ARHGAP4: variants seen among roughly 807,000 people sequenced by gnomAD.
The protein encoded by ARHGAP4 is rho GTPase-activating protein 4.
A neutral mutation model predicts 67.6 loss-of-function variants in ARHGAP4; 25 were observed. The ratio of observed to expected loss-of-function variants is 0.37; its 90% CI spans 0.27 to 0.52. The LOEUF is 0.52. Among genes scored for constraint, ARHGAP4 ranks in the 20% least tolerant of loss-of-function variants. ARHGAP4 has a pLI of 0.92. For missense variants in ARHGAP4, 804 were observed against 854.6 expected (o/e 0.94, Z 0.74); for synonymous variants, 448 against 373.7 (o/e 1.20, Z -2.29).
At chrX:153,911,961 G>A (rs1557103365) in intron 12 of ARHGAP4, among the ~76,000 whole-genome samples, 1 of 109,245 alleles carries the variant, frequency 9.2e-6, no homozygotes, top group African/African-American at 3.3e-5. Flanking sequence ...CTCGTTTAAA[G>A]AATCTGTTGA....
chrX:153,926,168 C>G lies in ARHGAP4; in HGVS notation c.35G>C (p.Gly12Ala). 3 of 1,203,961 alleles carry G rather than the reference C, an allele frequency of 2.5e-6. No individual in the cohort carries two copies. The highest frequency in any genetic ancestry group is 3.5e-5 in the South Asian group (2 of 56,481). ...TTGCGTCTCATACTCAGCCTGCAGCCCCCGCTCCCGCCGCAGCTTCCCGTG... is the reference window on the plus strand; with the variant it reads ...TTGCGTCTCATACTCAGCCTGCAGCGCCCGCTCCCGCCGCAGCTTCCCGTG... ...AAHGKLRRERGLQAEYETQVK... is the reference protein window; with the variant it reads ...AAHGKLRRERALQAEYETQVK... Residue 12 changes from glycine to alanine, a missense_variant, in exon 1 of 22, where the codon GGG (glycine) becomes GCG (alanine). By Grantham distance (60) the Gly-to-Ala change is moderately conservative. This residue lies in a region of ARHGAP4 where 404 missense variants were observed against 505.9 expected (regional missense o/e 0.80). Coordinates refer to ENST00000350060, the MANE Select transcript of ARHGAP4 (RefSeq NM_001666.5).
chrX:153,920,550 T>A (rs1416705207), intron 5 of ARHGAP4, 76 bp downstream of exon 5: 66 of 1,062,596 alleles, frequency 6.2e-5, no homozygotes, highest in Non-Finnish European at 7.9e-5. Context: ...CAGCCCTGAC[T>A]TCCCCCTCAG....
chrX:153,916,098 G>A (rs1270698567), intron 7 of ARHGAP4, among the ~76,000 whole-genome samples: 2 of 112,417 alleles, frequency 1.8e-5, no homozygotes, highest in Admixed American at 1.9e-4. Context: ...AGACCACTCT[G>A]CGATCACGCA....
chrX:153,909,193 G>C (rs782252861), intron 20 of ARHGAP4, 24 bp from the exon 21 acceptor site: 35 of 1,169,023 alleles, frequency 3.0e-5, no homozygotes, highest in Middle Eastern at 2.4e-4. Context: ...AGGGAGCCTG[G>C]TGGGGGCCCT....
chrX:153,918,654 C>T (rs781883791), intron 7 of ARHGAP4, among the ~76,000 whole-genome samples, 178 bp downstream of exon 7: 2 of 112,565 alleles, frequency 1.8e-5, no homozygotes, highest in East Asian at 2.8e-4. Flanking sequence ...TTGGCCATTG[C>T]GGGGGTGCAC....
chrX:153,919,994 C>T (rs1454040167), intron 5 of ARHGAP4, among the ~76,000 whole-genome samples: 1 of 111,035 alleles, frequency 9.0e-6, no homozygotes, highest in Non-Finnish European at 1.9e-5. Flanking sequence ...ACCATGTTGG[C>T]CACACTGATC....
chrX:153,921,800 C>A lies in ARHGAP4; in HGVS notation c.77G>T (p.Trp26Leu), dbSNP rs1557105435. Residue 26 changes from tryptophan (W) to leucine (L), a missense_variant, in exon 2 of 22, where the codon TGG becomes TTG. Trp to Leu is a moderately conservative substitution (Grantham distance 61, BLOSUM62 -2). Transcript: ENST00000350060. ...EYETQVKEMR[W>L]QLSEQLRCLE... ...GCAGCGCAGCTGCTCGCTCAGCTGC[C>A]AGCGCATCTCTGTGGGGGGAACCAT... The A allele has an allele frequency of 5.9e-6, 7 of 1,186,828 alleles. No individual in the cohort carries two copies. The highest frequency in any genetic ancestry group is 6.8e-6 in the Non-Finnish European group (6 of 884,855).
At chrX:153,925,864 C>T (rs895677304) in intron 1 of ARHGAP4, among the ~76,000 whole-genome samples, 7 of 113,109 alleles carry the variant, frequency 6.2e-5, no homozygotes, top group South Asian at 7.2e-4. Context: ...CCACCAGTGT[C>T]TCCACTGAAC....
intron 21 of ARHGAP4, among the ~76,000 whole-genome samples, chrX:153,908,522 C>A (rs1311558779): frequency 1.8e-5 from 2 of 111,840 alleles, no homozygotes; most frequent in African/African-American, 6.5e-5. Flanking sequence ...GGAGCAGGGT[C>A]CCCCAGGTTG....
intron 20 of ARHGAP4, 89 bp downstream of exon 20, chrX:153,909,354 C>A: frequency 1.1e-6 from 1 of 884,990 alleles, no homozygotes; most frequent in East Asian, 3.6e-5. Flanking sequence ...GCCAACTCCT[C>A]CCACTCCCAC....
intron 12 of ARHGAP4, among the ~76,000 whole-genome samples, chrX:153,912,167 A>G (rs1368451950): frequency 9.6e-6 from 1 of 103,696 alleles, no homozygotes; most frequent in African/African-American, 3.6e-5. Context: ...GATTACAGGC[A>G]CGTGCCACCA....
At chrX:153,909,258 A>G in intron 20 of ARHGAP4, 89 bp from the exon 21 acceptor site, 2 of 953,169 alleles carry the variant, frequency 2.1e-6, no homozygotes, top group African/African-American at 3.9e-5. Context: ...GGTGTGGCCA[A>G]GGAAAGGAGG....
rs782676556 is a variant in ARHGAP4, at chrX:153,909,801, C to A, written c.2354G>T (p.Arg785Leu). 8.3e-7 allele frequency: 1 copy of A among 1,201,658 alleles called. No individual in the cohort carries two copies. The highest frequency in any genetic ancestry group is 1.1e-6 in the Non-Finnish European group (1 of 891,168). ...GCCCCGCATGCCGTTGTGCTCCCCC[C>A]GCCACCAGTCGCTCGAGGCCCTCTC... is the stretch of plus-strand genomic sequence containing the variant. ...LHERASSDWW[R>L]GEHNGMRGLI... The change falls in exon 19 of 22, where the codon CGG becomes CTG. Residue 785 changes from arginine to leucine, a missense_variant. Arg to Leu is a moderately radical substitution (Grantham distance 102, BLOSUM62 -2). Around this residue, in one of 2 missense-constraint regions of ARHGAP4, gnomAD observed 400 missense variants for 348.7 expected, o/e 1.15. Coordinates refer to ENST00000350060, the MANE Select transcript of ARHGAP4 (RefSeq NM_001666.5).
At chrX:153,912,977 A>G in intron 11 of ARHGAP4, 47 bp downstream of exon 11, 1 of 1,162,670 alleles carries the variant, frequency 8.6e-7, no homozygotes, top group Non-Finnish European at 1.1e-6. Flanking sequence ...CAGGAAGAGA[A>G]GAGATGGCGG....
intron 21 of ARHGAP4, 130 bp from the exon 22 acceptor site, chrX:153,908,092 G>T: frequency 2.1e-6 from 1 of 475,877 alleles, no homozygotes; most frequent in Non-Finnish European, 3.1e-6. Context: ...CAGCCTCCAG[G>T]TCACTCTCCC....
chrX:153,921,547 G>C lies in ARHGAP4; in HGVS notation c.273-20C>G. 1 of 1,198,788 alleles carries C rather than the reference G, an allele frequency of 8.3e-7. No homozygotes were observed. Among genetic ancestry groups the C allele is most frequent in the Non-Finnish European group, 1.1e-6 (1 of 888,255 alleles). On this transcript the variant is annotated intron_variant, in intron 2 of 21. Coordinates refer to ENST00000350060, the MANE Select transcript of ARHGAP4 (RefSeq NM_001666.5). ...TCCTTCCTGGGGGTAGAGGGGCACT[G>C]AGACCTGGGAGCGGAGCTTGGGCCC...
intron 15 of ARHGAP4, 43 bp from the exon 16 acceptor site, chrX:153,910,654 G>A: frequency 8.5e-7 from 1 of 1,182,948 alleles, no homozygotes; most frequent in African/African-American, 1.7e-5. Context: ...GAGCGGGGCT[G>A]CCCCAGCAAG....
At chrX:153,918,276 A>G (rs973277710) in intron 7 of ARHGAP4, among the ~76,000 whole-genome samples, 9 of 98,198 alleles carry the variant, frequency 9.2e-5, no homozygotes, top group Non-Finnish European at 1.8e-4. Context: ...TCATTGGCCA[A>G]TGGAAAATGG....
intron 7 of ARHGAP4, among the ~76,000 whole-genome samples, chrX:153,915,537 T>C (rs2065050516): frequency 9.0e-6 from 1 of 111,689 alleles, no homozygotes; most frequent in East Asian, 2.8e-4. Context: ...AAACCCTGAC[T>C]CTACCAAAAA....
Sources: allele counts gnomAD v4.1 joint callset (sites outside exome capture counted in the v4.1 genomes callset), GRCh38; gene constraint gnomAD v4.1.1; regional missense constraint gnomAD v4.1.1; transcripts MANE v1.5; gene names NCBI Gene and HGNC (gene_info 2026-07-23, HGNC 2026-07-21).